CLASP1: variants seen among roughly 807,000 people sequenced by gnomAD.
CLASP1 encodes the protein CLIP-associating protein 1.
In CLASP1, 38 loss-of-function variants were observed where a neutral mutation model predicts 192.3. The observed-to-expected ratio is 0.20, with a 90% confidence interval of 0.15 to 0.26. CLASP1 has a LOEUF of 0.26. CLASP1 is among the 10% of genes least tolerant of loss of function. The pLI, the probability that CLASP1 is intolerant of heterozygous loss-of-function variation, is 1.00. For missense variants in CLASP1, 1,433 were observed against 1,932.5 expected, an observed-to-expected ratio of 0.74 and a Z score of 4.85; for synonymous variants, 691 against 712.8, an observed-to-expected ratio of 0.97 and a Z score of 0.49.
intron 28 of CLASP1, among the ~76,000 whole-genome samples, chr2:121,399,942 C>A (rs1350084246): frequency 2.0e-5 from 3 of 152,068 alleles, no homozygotes; most frequent in Non-Finnish European, 4.4e-5. Flanking sequence ...CATTTCTGAC[C>A]TTTCTTGAAA....
rs575274888 is a variant in CLASP1, at chr2:121,585,116, A to G, written c.195+20585T>C. 3.3e-5 allele frequency among the ~76,000 whole-genome samples: 5 copies of G among 152,344 alleles called. No individual in the cohort carries two copies. The East Asian group carries it at 7.7e-4, about 24-fold the overall frequency. On this transcript the variant is annotated intron_variant, in intron 2 of 39. Transcript: ENST00000263710. ...TATGGAGAGATTAAGAAACTTATCC[A>G]GTACCACACAGCTAGTGACGGAAGG...
At chr2:121,478,941 ACACACACACCACACACACACAC>A (rs2092272148) in intron 8 of CLASP1, among the ~76,000 whole-genome samples, 5 of 16,518 alleles carry the variant, frequency 3.0e-4, no homozygotes, top group Non-Finnish European at 4.9e-4. Flanking sequence ...AACACCCCCC[ACACACACACCACACACACACAC>A]CACACACACC....
intron 1 of CLASP1, among the ~76,000 whole-genome samples, chr2:121,629,468 G>C (rs2069056646): frequency 6.6e-6 from 1 of 151,884 alleles, no homozygotes; most frequent in Non-Finnish European, 1.5e-5. Flanking sequence ...AATCATTTTA[G>C]TGAAAAAAGC....
chr2:121,458,539 G>T (rs1453864708), intron 13 of CLASP1, among the ~76,000 whole-genome samples: 1 of 152,110 alleles, frequency 6.6e-6, no homozygotes, highest in African/African-American at 2.4e-5. Context: ...CGAGTAACAA[G>T]AATACAATAT....
chr2:121,386,727 G>C (rs2073272573), intron 32 of CLASP1, among the ~76,000 whole-genome samples: 1 of 152,202 alleles, frequency 6.6e-6, no homozygotes, highest in African/African-American at 2.4e-5. Flanking sequence ...AACTACCCTA[G>C]ACTTGGTGTA....
At chr2:121,502,702 G>A (rs894980142) in intron 8 of CLASP1, among the ~76,000 whole-genome samples, 1 of 152,204 alleles carries the variant, frequency 6.6e-6, no homozygotes, top group African/African-American at 2.4e-5. Flanking sequence ...ATTGTAGCCT[G>A]GGTGTGATGG....
At chr2:121,518,713 CAAAAAA>C (rs34927610) in intron 6 of CLASP1, among the ~76,000 whole-genome samples, 1 of 143,642 alleles carries the variant, frequency 7.0e-6, no homozygotes, top group Non-Finnish European at 1.5e-5. Context: ...ACTAAAAATA[CAAAAAA>C]AAAAAACTTT....
intron 23 of CLASP1, among the ~76,000 whole-genome samples, 196 bp from the exon 25 acceptor site, chr2:121,411,165 T>G (rs2077642804): frequency 6.6e-6 from 1 of 152,250 alleles, no homozygotes; most frequent in African/African-American, 2.4e-5. Flanking sequence ...CACAAAGCAC[T>G]GTCACTCGAA....
Position 121,506,411 on chromosome 2 carries a change from T to TA in CLASP1, c.645-3178dup, listed in dbSNP as rs539402512. 3.6e-3 allele frequency among the ~76,000 whole-genome samples: 550 copies of TA among 150,838 alleles called. 5 individuals are homozygous for TA. The highest frequency in any genetic ancestry group is 0.013 in the African/African-American group (527 of 40,956). On this transcript the variant is annotated intron_variant, in intron 7 of 39. Coordinates refer to ENST00000263710, the Ensembl canonical transcript of CLASP1. Reference sequence around the variant, plus strand: ...TTTTCCCTGAGGCGATGATCAAAACTAACCAGTGACAACTGTTCAACATGG... The same window carrying TA: ...TTTTCCCTGAGGCGATGATCAAAACTAAACCAGTGACAACTGTTCAACATGG...
At chr2:121,387,041 TA>T in intron 32 of CLASP1, 80 bp downstream of exon 33, 3 of 1,179,322 alleles carry the variant, frequency 2.5e-6, no homozygotes, top group Non-Finnish European at 3.7e-6. Context: ...TAGCTTAGTC[TA>T]AAAATCTAGA....
chr2:121,641,976 G>GT lies in CLASP1; in HGVS notation c.-286+7395dup, dbSNP rs570352322. On this transcript the variant is annotated intron_variant, in intron 1 of 39. Transcript: ENST00000263710. ...GAGTTCGAGTAGCCTAGGCAACATAGTAAGACCCTGCCTCTTTAAAAACAA... is the reference window on the plus strand; with the variant it reads ...GAGTTCGAGTAGCCTAGGCAACATAGTTAAGACCCTGCCTCTTTAAAAACAA... 2.1e-3 allele frequency among the ~76,000 whole-genome samples: 310 copies of GT among 151,006 alleles called. 1 individual carries two copies. The highest frequency in any genetic ancestry group is 7.3e-3 in the African/African-American group (297 of 40,916).
intron 22 of CLASP1, among the ~76,000 whole-genome samples, chr2:121,419,182 C>T (rs924335777): frequency 7.2e-5 from 11 of 152,120 alleles, no homozygotes; most frequent in African/African-American, 2.7e-4. Flanking sequence ...AGAATAACCA[C>T]ACTGGTCACT....
intron 30 of CLASP1, among the ~76,000 whole-genome samples, chr2:121,396,391 C>T (rs1405920117): frequency 1.3e-5 from 2 of 152,170 alleles, no homozygotes; most frequent in East Asian, 3.9e-4. Context: ...TGATTTCTGG[C>T]AATATATCCA....
chr2:121,475,864 G>A (rs926890846), intron 8 of CLASP1, among the ~76,000 whole-genome samples: 5 of 152,036 alleles, frequency 3.3e-5, no homozygotes, highest in Non-Finnish European at 4.4e-5. Flanking sequence ...TGATAGTCTC[G>A]GGTAGAAATC....
intron 8 of CLASP1, among the ~76,000 whole-genome samples, chr2:121,496,865 A>G (rs1476282300): frequency 6.6e-6 from 1 of 152,248 alleles, no homozygotes; most frequent in East Asian, 1.9e-4. Context: ...AAATGTGTAT[A>G]TATACACAAT....
chr2:121,419,569 G>A (rs1275472020), intron 22 of CLASP1, among the ~76,000 whole-genome samples: 1 of 152,030 alleles, frequency 6.6e-6, no homozygotes, highest in Non-Finnish European at 1.5e-5. Context: ...ATAACTTTCT[G>A]ATTATCTACG....
At chr2:121,616,130 A>G (rs1168539565) in intron 1 of CLASP1, among the ~76,000 whole-genome samples, 1 of 152,186 alleles carries the variant, frequency 6.6e-6, no homozygotes, top group Non-Finnish European at 1.5e-5. Context: ...TACCAGCACC[A>G]GTTAATCAAT....
chr2:121,518,967 T>C (rs1301019614), intron 6 of CLASP1, among the ~76,000 whole-genome samples: 1 of 152,246 alleles, frequency 6.6e-6, no homozygotes, highest in Non-Finnish European at 1.5e-5. Flanking sequence ...CACCATTGCT[T>C]AGTTTCTAGG....
chr2:121,490,163 T>G (rs2093222057), intron 8 of CLASP1: 1 of 359,702 alleles, frequency 2.8e-6, no homozygotes, highest in African/African-American at 2.2e-5. Flanking sequence ...ATCTTTCCCA[T>G]GTTTCATCCA....
Sources: gnomAD v4.1 joint callset for allele counts (sites outside exome capture counted in the v4.1 genomes callset) on GRCh38, gnomAD v4.1.1 for gene constraint, MANE v1.5 for transcripts, NCBI Gene and HGNC (gene_info 2026-07-23, HGNC 2026-07-21) for gene names.